PHF24: variants seen among roughly 807,000 people sequenced by gnomAD.
PHF24 encodes Galpha inhibitory interacting protein.
A neutral mutation model predicts 42.6 loss-of-function variants in PHF24; 25 were observed. That is an observed-to-expected ratio of 0.59 (90% CI 0.43 to 0.82). PHF24 has a LOEUF of 0.82. PHF24 is among the 40% of genes least tolerant of loss of function. The pLI is 0.00. For synonymous variants in PHF24, 185 were observed against 204.8 expected, an observed-to-expected ratio of 0.90 and a Z score of 0.83; for missense variants, 470 against 538.1, an observed-to-expected ratio of 0.87 and a Z score of 1.25.
At chr9:34,956,516 T>C (rs1461220551), upstream of PHF24, among the ~76,000 whole-genome samples, 1 of 152,206 alleles carries the variant, frequency 6.6e-6, no homozygotes, top group Non-Finnish European at 1.5e-5. Context: ...CCTCCCAAAG[T>C]GCTGGAATTA....
At chr9:34,763,393 T>C in the PHF24 span, among the ~76,000 whole-genome samples, 1 of 152,228 alleles carries the variant, frequency 6.6e-6, no homozygotes, top group Admixed American at 6.5e-5. Flanking sequence ...GTTGTAGTTC[T>C]CCCTGAAGAG....
the PHF24 span, chr9:34,834,106 T>C: frequency 0.17 from 199,795 of 1,180,516 alleles, 56,199 homozygotes; most frequent in East Asian, 0.65. Context: ...CTTTGTGATG[T>C]AGGTCTGGGT....
the PHF24 span, among the ~76,000 whole-genome samples, chr9:34,873,972 A>G: frequency 0.77 from 116,333 of 151,992 alleles, 44,669 homozygotes; most frequent in East Asian, 0.87. Context: ...TTGTGAATGG[A>G]AGTTCACTCA....
chr9:34,943,005 A>T, the PHF24 span, among the ~76,000 whole-genome samples: 181 of 152,274 alleles, frequency 1.2e-3, 2 homozygotes, highest in Non-Finnish European at 2.2e-3. Flanking sequence ...ATAATAATAA[A>T]AAAAGAAAGA....
At chr9:34,762,119 C>T in the PHF24 span, among the ~76,000 whole-genome samples, 314 of 152,174 alleles carry the variant, frequency 2.1e-3, 1 homozygote, top group African/African-American at 6.5e-3. Context: ...GGGTTGGTTC[C>T]GAGTCTTTGC....
At position 34,976,598 on chromosome 9, in the gene PHF24, G is replaced by A. The variant is rs765141223; in HGVS notation, c.707G>A (p.Arg236His). Residue 236 changes from arginine to histidine, a missense_variant, in exon 5 of 8, where the codon CGT (arginine) becomes CAT (histidine). Arg to His is a conservative substitution (Grantham distance 29). Coordinates refer to ENST00000242315, the Ensembl canonical transcript of PHF24. ...CACCAAGCAGCCAAGCGGGGGGACC[G>A]TGACAGGGCCCTGAGTGAGGAGCAA... 107 of 1,614,060 alleles carry A rather than the reference G, an allele frequency of 6.6e-5. No homozygotes were observed. Among genetic ancestry groups the A allele is most frequent in the Admixed American group, 2.8e-4 (17 of 60,014 alleles).
At chr9:34,896,674 CTT>C in the PHF24 span, among the ~76,000 whole-genome samples, 1 of 152,264 alleles carries the variant, frequency 6.6e-6, no homozygotes, top group South Asian at 2.1e-4. Flanking sequence ...ATTTGAATAA[CTT>C]TAGGCAGAGC....
chr9:34,970,504 A>G (rs1034270404), intron 1 of PHF24, among the ~76,000 whole-genome samples: 1 of 152,162 alleles, frequency 6.6e-6, no homozygotes, highest in Non-Finnish European at 1.5e-5. Context: ...CCACATGGAT[A>G]CGGGTGGCAG....
At chr9:34,727,021 G>A in the PHF24 span, 7 of 1,533,072 alleles carry the variant, frequency 4.6e-6, no homozygotes, top group Non-Finnish European at 6.2e-6. Context: ...ATTAACGATG[G>A]AGTGACATCT....
chr9:34,811,342 T>TG, the PHF24 span, among the ~76,000 whole-genome samples: 2 of 152,170 alleles, frequency 1.3e-5, no homozygotes, highest in African/African-American at 4.8e-5. Context: ...TGTTGAGAGG[T>TG]GGGGCCTAAT....
At chr9:34,908,822 T>TTTTTC in the PHF24 span, among the ~76,000 whole-genome samples, 116 of 151,474 alleles carry the variant, frequency 7.7e-4, 1 homozygote, top group African/African-American at 2.3e-3. Context: ...CCTCATCCTT[T>TTTTTC]TTTTCTTTTC....
the PHF24 span, among the ~76,000 whole-genome samples, chr9:34,789,663 T>C: frequency 2.2e-4 from 34 of 152,342 alleles, no homozygotes; most frequent in African/African-American, 7.7e-4. Flanking sequence ...TGTTATTGCA[T>C]GCTGGGTTTC....
the PHF24 span, among the ~76,000 whole-genome samples, chr9:34,789,795 A>G: frequency 6.6e-6 from 1 of 152,246 alleles, no homozygotes; most frequent in South Asian, 2.1e-4. Context: ...TGCCATAGTC[A>G]ACTATGAGCA....
chr9:34,878,039 A>G, the PHF24 span, among the ~76,000 whole-genome samples: 522 of 152,310 alleles, frequency 3.4e-3, 3 homozygotes, highest in African/African-American at 0.012. Flanking sequence ...GTGAACCCCA[A>G]TGTAAATGAC....
chr9:34,880,715 T>G, the PHF24 span, among the ~76,000 whole-genome samples: 9 of 152,202 alleles, frequency 5.9e-5, no homozygotes, highest in East Asian at 1.5e-3. Context: ...AGCAAGTCCT[T>G]AGAGACCTAC....
the PHF24 span, among the ~76,000 whole-genome samples, chr9:34,890,633 G>A: frequency 6.6e-6 from 1 of 152,200 alleles, no homozygotes; most frequent in Admixed American, 6.5e-5. Flanking sequence ...AGTTTCTGGA[G>A]TAATGTTTTC....
chr9:34,806,538 G>A, the PHF24 span, among the ~76,000 whole-genome samples: 1 of 151,996 alleles, frequency 6.6e-6, no homozygotes, highest in East Asian at 1.9e-4. Context: ...GGCTCACTGA[G>A]ACCTCCACCT....
chr9:34,874,843 T>C, the PHF24 span, among the ~76,000 whole-genome samples: 46 of 152,278 alleles, frequency 3.0e-4, no homozygotes, highest in East Asian at 7.9e-3. Context: ...ATAGTAAGTG[T>C]ATATATTTAA....
chr9:34,781,403 C>T, the PHF24 span, among the ~76,000 whole-genome samples: 2 of 152,080 alleles, frequency 1.3e-5, no homozygotes, highest in Non-Finnish European at 2.9e-5. Context: ...TAGGCAAATT[C>T]ATAGAGACAG....
Sources: allele counts gnomAD v4.1 joint callset (sites outside exome capture counted in the v4.1 genomes callset), GRCh38; gene constraint gnomAD v4.1.1; transcripts MANE v1.5; gene names NCBI Gene and HGNC (gene_info 2026-07-23, HGNC 2026-07-21).